TTLL11: variants seen among roughly 807,000 people sequenced by gnomAD.
The protein encoded by TTLL11 is tubulin tyrosine ligase like 11, also known as tubulin polyglutamylase TTLL11.
TTLL11 carries 42 observed loss-of-function variants against 51.7 expected under a neutral mutation model. The ratio of observed to expected loss-of-function variants is 0.81; its 90% CI spans 0.64 to 1.05. The LOEUF is 1.05. Ranked by LOEUF, TTLL11 falls within the 50% of genes least tolerant of loss-of-function variation. The pLI, the probability that TTLL11 is intolerant of heterozygous loss-of-function variation, is 0.00. For synonymous variants in TTLL11, 381 were observed against 383.5 expected (o/e 0.99, Z 0.08); for missense variants, 799 against 940.4 (o/e 0.85, Z 1.97).
Position 121,855,698 on chromosome 9 carries a change from TC to T in TTLL11, c.1840+4638del, listed in dbSNP as rs1837794757. ...GACCACCTCTACTCTGAGCCACGGT[TC>T]TCACACTCAGGATTCCCTGCTTTGA... On this transcript the variant is annotated intron_variant, in intron 8 of 8. Coordinates refer to ENST00000321582, the MANE Select transcript of TTLL11 (RefSeq NM_001139442.2). Among the ~76,000 whole-genome samples, 4 of 152,310 alleles carry T rather than the reference TC, an allele frequency of 2.6e-5. No individual in the cohort carries two copies. The South Asian group carries it at 8.3e-4, about 32-fold the overall frequency.
chr9:121,828,878 T>A (rs1272725675), intron 8 of TTLL11, among the ~76,000 whole-genome samples: 5 of 151,968 alleles, frequency 3.3e-5, no homozygotes, highest in Non-Finnish European at 7.4e-5. Flanking sequence ...GGCAGGAGGA[T>A]CGCTTGAGCC....
chr9:121,854,005 G>T (rs114891879), intron 8 of TTLL11, among the ~76,000 whole-genome samples: 2,627 of 152,278 alleles, frequency 0.017, 78 homozygotes, highest in African/African-American at 0.06. Flanking sequence ...GGCCCTGAGC[G>T]CTTTCCGTGT....
chr9:122,074,904 C>A (rs1845820971), intron 1 of TTLL11, among the ~76,000 whole-genome samples: 1 of 151,684 alleles, frequency 6.6e-6, no homozygotes. Context: ...AAAAAAAAGA[C>A]CTTGTTGATG....
At chr9:122,016,337 T>A (rs558966710) in intron 3 of TTLL11, among the ~76,000 whole-genome samples, 1 of 152,260 alleles carries the variant, frequency 6.6e-6, no homozygotes, top group South Asian at 2.1e-4. Flanking sequence ...CTGCCGAGGT[T>A]GGCAAGGGCT....
In TTLL11 at chr9:121,989,250, T is replaced by C; in HGVS notation, c.1214A>G (p.Lys405Arg). ...KTVIALTPELKVFYQSDIPTG... is the reference protein window; with the variant it reads ...KTVIALTPELRVFYQSDIPTG... ...GGGGATGTCTGACTGGTAGAAGACT[T>C]TGAGCTCTGGAGTCAGCGCGATGAC... The change falls in exon 4 of 9, where the codon AAA becomes AGA. Residue 405 changes from lysine (K) to arginine (R), a missense_variant. By Grantham distance (26) the Lys-to-Arg change is conservative (BLOSUM62 2). Coordinates refer to ENST00000321582, the MANE Select transcript of TTLL11 (RefSeq NM_001139442.2). This position sits in a 1 kb window ranked among gnomAD's most constrained non-coding sequence, Gnocchi z 4.2. The C allele has an allele frequency of 6.2e-7, 1 of 1,614,132 alleles. No individual in the cohort carries two copies. The highest frequency in any genetic ancestry group is 8.5e-7 in the Non-Finnish European group (1 of 1,179,992).
chr9:121,924,204 T>G (rs1304873388), intron 6 of TTLL11, among the ~76,000 whole-genome samples: 1 of 152,232 alleles, frequency 6.6e-6, no homozygotes, highest in Non-Finnish European at 1.5e-5. Context: ...CCAGACACCC[T>G]CAAGTGGAGT....
intron 8 of TTLL11, among the ~76,000 whole-genome samples, chr9:121,843,945 A>T (rs1027022029): frequency 1.3e-5 from 2 of 152,194 alleles, no homozygotes; most frequent in African/African-American, 4.8e-5. Context: ...AAGTGCTGGG[A>T]TTACTTGGTG....
At chr9:122,071,565 C>T (rs1005599647) in intron 1 of TTLL11, among the ~76,000 whole-genome samples, 1 of 152,148 alleles carries the variant, frequency 6.6e-6, no homozygotes, top group Admixed American at 6.5e-5. Flanking sequence ...AGGAGAGACA[C>T]CAGCAAGCCT....
chr9:121,932,664 C>T (rs761543208), intron 6 of TTLL11, among the ~76,000 whole-genome samples: 9 of 151,940 alleles, frequency 5.9e-5, no homozygotes, highest in African/African-American at 9.7e-5. Context: ...CATAGTAGTA[C>T]GGCAGGCTGA....
intron 6 of TTLL11, among the ~76,000 whole-genome samples, chr9:121,874,756 A>AT (rs35998915): frequency 0.055 from 7,603 of 137,576 alleles, 263 homozygotes; most frequent in Middle Eastern, 0.11. Flanking sequence ...CAGAGGCATA[A>AT]TTTTTTTTTT....
intron 6 of TTLL11, among the ~76,000 whole-genome samples, chr9:121,935,659 TAGG>T: frequency 6.6e-6 from 1 of 152,186 alleles, no homozygotes; most frequent in South Asian, 2.1e-4. Context: ...GAAAATAAGT[TAGG>T]AGATTCTTAG....
chr9:122,054,791 T>C (rs1329269080), intron 1 of TTLL11, among the ~76,000 whole-genome samples: 1 of 152,194 alleles, frequency 6.6e-6, no homozygotes, highest in East Asian at 1.9e-4. Flanking sequence ...TCAAATTACC[T>C]AGACTCTTCC....
rs2131775323 is a variant in TTLL11 at position 122,019,220 on chromosome 9, G to A, written c.693+12503C>T. 2.0e-5 allele frequency among the ~76,000 whole-genome samples: 3 copies of A among 152,256 alleles called. No individual in the cohort carries two copies. In the South Asian group the frequency reaches 6.2e-4, roughly 32 times the overall value. ...CCTTCAGCATCTCTTCTGCCTAGAT[G>A]AATAGAACAGCCTTTCTAATAGGTC... On this transcript the variant is annotated intron_variant, in intron 3 of 8. Transcript: ENST00000321582.
intron 6 of TTLL11, among the ~76,000 whole-genome samples, chr9:121,885,737 TTC>T (rs1838985590): frequency 2.0e-5 from 3 of 152,190 alleles, no homozygotes; most frequent in Admixed American, 2.0e-4. Flanking sequence ...TTTCTTTCTT[TTC>T]TTTCTTTGAG....
chr9:121,894,715 C>A (rs1839386977), intron 6 of TTLL11, among the ~76,000 whole-genome samples: 1 of 151,918 alleles, frequency 6.6e-6, no homozygotes, highest in Admixed American at 6.6e-5. Flanking sequence ...CACATGGACA[C>A]AAGGAGGGGA....
chr9:122,053,717 A>T (rs1429765198), intron 1 of TTLL11, among the ~76,000 whole-genome samples: 1 of 152,122 alleles, frequency 6.6e-6, no homozygotes, highest in African/African-American at 2.4e-5. Flanking sequence ...TGGGAGAGTA[A>T]AGGCAGTCAT....
At chr9:121,946,300 T>C (rs1841662276) in intron 6 of TTLL11, among the ~76,000 whole-genome samples, 2 of 152,102 alleles carry the variant, frequency 1.3e-5, no homozygotes, top group African/African-American at 2.4e-5. Context: ...GGGAATGAGA[T>C]AGGGAGAGAA....
At chr9:121,824,566 C>T (rs549150975) in intron 8 of TTLL11, among the ~76,000 whole-genome samples, 39 of 151,246 alleles carry the variant, frequency 2.6e-4, no homozygotes, top group Admixed American at 5.9e-4. Context: ...GAAGAGTGGC[C>T]TGGAAATTCA....
intron 6 of TTLL11, among the ~76,000 whole-genome samples, chr9:121,920,554 C>T (rs529023545): frequency 6.6e-6 from 1 of 152,312 alleles, no homozygotes; most frequent in Non-Finnish European, 1.5e-5. Flanking sequence ...AGTCTATTTT[C>T]TTTGACAGAT....
Sources: gnomAD v4.1 joint callset for allele counts (sites outside exome capture counted in the v4.1 genomes callset) on GRCh38, gnomAD v4.1.1 for gene constraint, Gnocchi (gnomAD v3.1) non-coding constraint, MANE v1.5 for transcripts, NCBI Gene and HGNC (gene_info 2026-07-23, HGNC 2026-07-21) for gene names.